Variants in PCDH15 observed in about 807,000 individuals in gnomAD.
The protein encoded by PCDH15 is protocadherin related 15, also known as protocadherin-15.
A neutral mutation model predicts 178.5 loss-of-function variants in PCDH15; 129 were observed. The ratio of observed to expected loss-of-function variants is 0.72; its 90% CI spans 0.63 to 0.84. PCDH15 has a LOEUF of 0.84. Ranked by LOEUF, PCDH15 falls within the 40% of genes least tolerant of loss-of-function variation. The pLI, the probability that PCDH15 is intolerant of heterozygous loss-of-function variation, is 0.00. For missense variants in PCDH15, 2,230 were observed against 2,099.9 expected, an observed-to-expected ratio of 1.06 and a Z score of -1.21; for synonymous variants, 800 against 732.0, an observed-to-expected ratio of 1.09 and a Z score of -1.50.
chr10:55,467,373 C>CTTTTTT lies in PCDH15; in HGVS notation c.-156+160246_-156+160251dup, dbSNP rs59787759. ...AAAGAAAAGCCTGATCTTGGCCTGA[C>CTTTTTT]TTTTTTTTTTTTTTTTTTTTAACTA... On this transcript the variant is annotated intron_variant, in intron 2 of 5. Transcript: ENST00000613346. 5.7e-5 allele frequency among the ~76,000 whole-genome samples: 5 copies of CTTTTTT among 87,768 alleles called. 2 individuals carry two copies. The highest frequency in any genetic ancestry group is 5.0e-5 in the Non-Finnish European group (2 of 40,308). The allele number at this position is 87,768 out of a possible 152,430, so 57.6% of individuals were successfully genotyped here.
chr10:54,950,474 A>T lies in PCDH15; in HGVS notation c.-79-52974T>A, dbSNP rs868380228. Among the ~76,000 whole-genome samples the T allele has an allele frequency of 1.3e-4, 20 of 152,080 alleles. No individual in the cohort carries two copies. In the Middle Eastern group the frequency reaches 0.014, roughly 103 times the overall value. On this transcript the variant is annotated intron_variant, in intron 2 of 5. Coordinates refer to the PCDH15 transcript ENST00000458638. ...CATGAGTTTCTCTGCACAAGCTCTC[A>T]CTTTGCCTGCTGCCATCCACGTAAG...
At chr10:55,098,243 G>C (rs930216629) in intron 2 of PCDH15, among the ~76,000 whole-genome samples, 4 of 152,128 alleles carry the variant, frequency 2.6e-5, no homozygotes, top group Non-Finnish European at 4.4e-5. Context: ...GACACAGAAA[G>C]TTGAAGTAAC....
At chr10:54,157,658 C>T (rs1052296277) in intron 13 of PCDH15, among the ~76,000 whole-genome samples, 3 of 152,180 alleles carry the variant, frequency 2.0e-5, no homozygotes, top group African/African-American at 7.2e-5. Context: ...CAAATTTTTG[C>T]AGGTGGCTTT....
intron 23 of PCDH15, among the ~76,000 whole-genome samples, chr10:53,941,714 T>C (rs1285336506): frequency 6.6e-6 from 1 of 152,164 alleles, no homozygotes; most frequent in African/African-American, 2.4e-5. Flanking sequence ...GTAAGACTGT[T>C]TAGTCTTTTA....
At chr10:55,361,166 G>T (rs902754901) in intron 2 of PCDH15, among the ~76,000 whole-genome samples, 4 of 151,972 alleles carry the variant, frequency 2.6e-5, no homozygotes, top group African/African-American at 7.2e-5. Context: ...GTTAGAAGTT[G>T]TAACAGTGGT....
intron 2 of PCDH15, among the ~76,000 whole-genome samples, chr10:55,439,277 T>G (rs1419633057): frequency 6.6e-6 from 1 of 152,140 alleles, no homozygotes; most frequent in Admixed American, 6.6e-5. Flanking sequence ...ACACAGGGTA[T>G]GACAGCAGTG....
chr10:54,531,628 T>C (rs2083936121), intron 2 of PCDH15, among the ~76,000 whole-genome samples: 3 of 152,290 alleles, frequency 2.0e-5, no homozygotes, highest in Non-Finnish European at 4.4e-5. Context: ...CTTTAGCCTA[T>C]TCTCAAAATG....
intron 2 of PCDH15, among the ~76,000 whole-genome samples, chr10:55,505,044 A>G (rs1045170507): frequency 4.6e-5 from 7 of 151,360 alleles, no homozygotes; most frequent in Admixed American, 2.6e-4. Context: ...TCTGACTTGC[A>G]TTGGAAACTT....
intron 3 of PCDH15, among the ~76,000 whole-genome samples, chr10:54,433,783 C>T (rs11004300): frequency 0.14 from 21,792 of 151,886 alleles, 1,647 homozygotes; most frequent in Middle Eastern, 0.24. Context: ...ATTACATGCC[C>T]GTATCAAAGC....
chr10:54,158,189 A>C (rs540841468), intron 13 of PCDH15, among the ~76,000 whole-genome samples: 1 of 152,302 alleles, frequency 6.6e-6, no homozygotes, highest in African/African-American at 2.4e-5. Flanking sequence ...TTACTGTATT[A>C]GTTAATTTTC....
chr10:54,547,631 G>A (rs950442902), intron 2 of PCDH15, among the ~76,000 whole-genome samples: 1 of 152,068 alleles, frequency 6.6e-6, no homozygotes, highest in African/African-American at 2.4e-5. Context: ...AAATAATGCT[G>A]TAAAGTATTC....
chr10:54,132,778 G>A, intron 15 of PCDH15, 97 bp downstream of exon 15: 2 of 1,528,860 alleles, frequency 1.3e-6, no homozygotes. Context: ...AGCATGTGAG[G>A]TTTCTCCCTC....
chr10:55,474,427 C>G (rs938422028), intron 2 of PCDH15, among the ~76,000 whole-genome samples: 2 of 152,154 alleles, frequency 1.3e-5, no homozygotes, highest in Non-Finnish European at 2.9e-5. Flanking sequence ...TAGTAATTTT[C>G]TGAAGTATGT....
intron 2 of PCDH15, among the ~76,000 whole-genome samples, chr10:55,606,601 C>G (rs1273235366): frequency 1.3e-5 from 2 of 148,190 alleles, no homozygotes; most frequent in African/African-American, 5.0e-5. Flanking sequence ...TGCATATCTA[C>G]AAGTATCTGA....
chr10:54,845,742 T>A (rs745637251), intron 3 of PCDH15, among the ~76,000 whole-genome samples: 7 of 151,680 alleles, frequency 4.6e-5, no homozygotes, highest in South Asian at 2.1e-4. Flanking sequence ...GTAAGAAGAG[T>A]GAAAAGTAAC....
chr10:54,821,113 T>C (rs1242221515), intron 3 of PCDH15, among the ~76,000 whole-genome samples: 2 of 152,124 alleles, frequency 1.3e-5, no homozygotes, highest in Non-Finnish European at 2.9e-5. Context: ...AAATATAATG[T>C]AACTAGCCCA....
chr10:54,361,497 A>T (rs1415395818), intron 5 of PCDH15, among the ~76,000 whole-genome samples: 1 of 152,006 alleles, frequency 6.6e-6, no homozygotes, highest in Non-Finnish European at 1.5e-5. Flanking sequence ...GTCTCATGTT[A>T]CATTCTCTGT....
At chr10:54,664,775 G>A (rs1437257650) in intron 1 of PCDH15, among the ~76,000 whole-genome samples, 2 of 151,862 alleles carry the variant, frequency 1.3e-5, no homozygotes, top group East Asian at 1.9e-4. Flanking sequence ...TTCTAGTAGA[G>A]TGATCAGAGA....
intron 3 of PCDH15, among the ~76,000 whole-genome samples, chr10:54,414,368 T>C (rs1339469646): frequency 2.0e-5 from 3 of 152,170 alleles, no homozygotes; most frequent in Non-Finnish European, 4.4e-5. Context: ...ACCTGGCATG[T>C]TTACATGACG....
Sources: gnomAD v4.1 joint callset for allele counts (sites outside exome capture counted in the v4.1 genomes callset) on GRCh38, gnomAD v4.1.1 for gene constraint, MANE v1.5 for transcripts, NCBI Gene and HGNC (gene_info 2026-07-23, HGNC 2026-07-21) for gene names.